Variants in DNAH11 observed in about 807,000 individuals in gnomAD.
DNAH11 encodes dynein axonemal heavy chain 11, also known as axonemal beta dynein heavy chain 11.
Under a neutral mutation model 526.0 loss-of-function variants are expected in DNAH11, and 442 were observed. The observed-to-expected ratio is 0.84, with a 90% CI of 0.78 to 0.91. DNAH11 has a LOEUF of 0.91. Among genes scored for constraint, DNAH11 ranks in the 40% least tolerant of loss-of-function variants. The probability of loss-of-function intolerance (pLI) is 0.00; values close to 1 mark genes in which losing one functional copy is unlikely to be tolerated. For missense variants in DNAH11, 6,989 were observed against 5,448.7 expected, an observed-to-expected ratio of 1.28 and a Z score of -8.90; for synonymous variants, 2,461 against 1,935.9, an observed-to-expected ratio of 1.27 and a Z score of -7.12.
intron 28 of DNAH11, among the ~76,000 whole-genome samples, chr7:21,645,953 T>C (rs1787338787): frequency 6.6e-6 from 1 of 152,174 alleles, no homozygotes; most frequent in African/African-American, 2.4e-5. Context: ...AATTTGACTA[T>C]GTTAAAATTT....
intron 65 of DNAH11, among the ~76,000 whole-genome samples, chr7:21,823,132 T>A (rs948244379): frequency 2.1e-4 from 32 of 152,134 alleles, no homozygotes; most frequent in Non-Finnish European, 4.3e-4. Context: ...CTTGATGTAA[T>A]CCCATTTGTA....
intron 61 of DNAH11, among the ~76,000 whole-genome samples, chr7:21,793,333 T>C (rs969169141): frequency 2.0e-5 from 3 of 152,310 alleles, no homozygotes; most frequent in East Asian, 1.9e-4. Context: ...AAAGAATTTG[T>C]CAGGCTGGGC....
rs749424527 is a variant in DNAH11, at chr7:21,635,924, A to C, written c.4554A>C (p.Gln1518His). Residue 1518 changes from glutamine (Q) to histidine (H), a missense_variant, in exon 26 of 82, where the codon CAA becomes CAC. Physicochemically the swap from Gln to His is conservative, Grantham distance 24 (BLOSUM62 0). Transcript: ENST00000409508. ...QSKYVEYFIE[Q>H]VLSWQNKLNI... ...AGTATGTAGAATATTTCATTGAGCA[A>C]GTGTTAAGCTGGCAAAATAAATTAA... 6.2e-7 allele frequency: 1 copy of C among 1,613,366 alleles called. No individual in the cohort carries two copies. The highest frequency in any genetic ancestry group is 1.3e-5 in the African/African-American group (1 of 75,056).
At chr7:21,808,779 A>G (rs751895285) in intron 63 of DNAH11, among the ~76,000 whole-genome samples, 11 of 152,120 alleles carry the variant, frequency 7.2e-5, no homozygotes, top group Non-Finnish European at 1.5e-4. Flanking sequence ...TTATCTGCCC[A>G]TCTGTTGTTG....
intron 28 of DNAH11, among the ~76,000 whole-genome samples, chr7:21,651,149 T>G (rs1370657289): frequency 1.3e-5 from 2 of 152,084 alleles, no homozygotes; most frequent in East Asian, 3.8e-4. Context: ...ATGAATAAAT[T>G]AGTTAATGAA....
Position 21,599,917 on chromosome 7 carries a change from A to T in DNAH11, c.2798A>T (p.Asn933Ile), listed in dbSNP as rs749572732. 1.2e-6 allele frequency: 2 copies of T among 1,613,656 alleles called. No individual in the cohort carries two copies. The highest frequency in any genetic ancestry group is 4.5e-5 in the East Asian group (2 of 44,858). The stretch of plus-strand genomic sequence containing the variant: ...CACGACTTAGACTTCTTTCTGAAGA[A>T]TACAGAGAAACAATTGAAACCGGCA... Reference protein sequence around the residue: ...IMHDLDFFLKNTEKQLKPAPF... With the variant: ...IMHDLDFFLKITEKQLKPAPF... Residue 933 changes from asparagine to isoleucine, a missense_variant, in exon 15 of 82, where the codon AAT (asparagine) becomes ATT (isoleucine). Physicochemically the swap from Asn to Ile is moderately radical, Grantham distance 149 (BLOSUM62 -3). Coordinates refer to ENST00000409508, the MANE Select transcript of DNAH11 (RefSeq NM_001277115.2).
rs2119174 is a variant in DNAH11 at position 21,690,798 on chromosome 7, G to C, written c.5958G>C (p.Lys1986Asn). 13 of 1,610,648 alleles carry C rather than the reference G, an allele frequency of 8.1e-6. No individual in the cohort carries two copies. The highest frequency in any genetic ancestry group is 1.1e-5 in the Non-Finnish European group (13 of 1,178,878). ...FVFLGEAITLKPSVGIFITMN... is the reference protein window; with the variant it reads ...FVFLGEAITLNPSVGIFITMN... ...TTCTTGGGGAAGCTATCACACTGAA[G>C]CCATCAGTTGGAATATTTATTACTA... The change falls in exon 35 of 82, where the codon AAG (lysine) becomes AAC (asparagine). Residue 1986 changes from lysine (K) to asparagine (N), a missense_variant. Coordinates refer to ENST00000409508, the MANE Select transcript of DNAH11 (RefSeq NM_001277115.2).
chr7:21,581,761 C>G, intron 8 of DNAH11, 144 bp from the exon 9 acceptor site: 2 of 604,556 alleles, frequency 3.3e-6, no homozygotes, highest in African/African-American at 1.9e-5. Flanking sequence ...CTTGAACTTC[C>G]GTAGAATGCT....
chr7:21,775,997 C>G (rs182557040), intron 56 of DNAH11, among the ~76,000 whole-genome samples: 20 of 152,284 alleles, frequency 1.3e-4, no homozygotes, highest in African/African-American at 3.9e-4. Context: ...AAGTGGGGTA[C>G]CATCCTGGAC....
chr7:21,593,302 G>T (rs1784757471), intron 14 of DNAH11, among the ~76,000 whole-genome samples: 1 of 152,204 alleles, frequency 6.6e-6, no homozygotes, highest in Admixed American at 6.5e-5. Context: ...AAGTCATTGG[G>T]ATGAGGAGAG....
At position 21,892,641 on chromosome 7, in the gene DNAH11, G is replaced by T. The variant is rs1408664815; in HGVS notation, c.12724G>T (p.Glu4242Ter). The T allele has an allele frequency of 2.5e-6, 4 of 1,610,202 alleles. No individual in the cohort carries two copies. Among genetic ancestry groups the T allele is most frequent in the Non-Finnish European group, 3.4e-6 (4 of 1,177,752 alleles). The stretch of plus-strand genomic sequence containing the variant: ...GCCCAGGAATGCACTCAGTGGTGAT[G>T]AACTGGGGCAGTCTACAGAAGAAAA... ...MQPRNALSGD[E>*]LGQSTEEKVK... The change falls in exon 77 of 82, where the codon GAA (glutamate) becomes TAA (stop). Residue 4242 changes from glutamate (E) to a stop codon, truncating the protein, a stop_gained. Coordinates refer to ENST00000409508, the MANE Select transcript of DNAH11 (RefSeq NM_001277115.2). LOFTEE classifies it high-confidence loss of function.
intron 68 of DNAH11, 58 bp from the exon 69 acceptor site, chr7:21,861,795 G>C (rs1562590091): frequency 6.3e-7 from 1 of 1,595,362 alleles, no homozygotes; most frequent in Non-Finnish European, 8.6e-7. Context: ...TGTATCGGGG[G>C]TAGCTAGACA....
chr7:21,642,635 T>C (rs1787180106), intron 28 of DNAH11, among the ~76,000 whole-genome samples: 1 of 152,148 alleles, frequency 6.6e-6, no homozygotes, highest in African/African-American at 2.4e-5. Context: ...AATTTCCCCA[T>C]AAAAGGCGCC....
chr7:21,548,688 G>A (rs1782901256), intron 2 of DNAH11, among the ~76,000 whole-genome samples: 1 of 152,146 alleles, frequency 6.6e-6, no homozygotes. Flanking sequence ...GGGGCACATG[G>A]AAAGCTGGGT....
intron 30 of DNAH11, among the ~76,000 whole-genome samples, chr7:21,679,055 T>C (rs1378230074): frequency 2.0e-5 from 3 of 152,170 alleles, no homozygotes; most frequent in Non-Finnish European, 4.4e-5. Context: ...GGAATATGAT[T>C]TAGCCTTTAC....
chr7:21,790,445 G>A (rs777087890), intron 61 of DNAH11, among the ~76,000 whole-genome samples: 8 of 152,060 alleles, frequency 5.3e-5, no homozygotes, highest in South Asian at 2.1e-4. Flanking sequence ...GCAAGACTCC[G>A]TCTCAAACAA....
intron 14 of DNAH11, among the ~76,000 whole-genome samples, chr7:21,595,136 C>T (rs1407518324): frequency 6.6e-6 from 1 of 152,188 alleles, no homozygotes; most frequent in African/African-American, 2.4e-5. Flanking sequence ...GGACCAGGTG[C>T]CAGCATGATC....
rs142372794 is a variant in DNAH11, at chr7:21,873,481, G to T, written c.12175G>T (p.Ala4059Ser). The T allele has an allele frequency of 1.9e-6, 3 of 1,613,800 alleles. No homozygotes were observed. The highest frequency in any genetic ancestry group is 2.2e-5 in the South Asian group (2 of 91,078). ...PTGMLANLHA[A>S]LYNFDQDTLE... is the part of the protein sequence containing the mutation. ...AGGGATGCTGGCCAATTTGCATGCC[G>T]CCCTGTACAACTTTGATCAGGTAAG... is the stretch of plus-strand genomic sequence containing the variant. The change falls in exon 74 of 82, where the codon GCC (alanine) becomes TCC (serine). Residue 4059 changes from alanine (A) to serine (S), a missense_variant. Ala to Ser is a moderately conservative substitution (Grantham distance 99). Coordinates refer to ENST00000409508, the MANE Select transcript of DNAH11 (RefSeq NM_001277115.2).
intron 45 of DNAH11, among the ~76,000 whole-genome samples, chr7:21,734,098 A>G (rs1446700914): frequency 1.3e-5 from 2 of 152,216 alleles, no homozygotes; most frequent in Non-Finnish European, 2.9e-5. Context: ...CTATGTGTAG[A>G]TAAAAGAGAG....
Sources: gnomAD v4.1 joint callset for allele counts (sites outside exome capture counted in the v4.1 genomes callset) on GRCh38, gnomAD v4.1.1 for gene constraint, MANE v1.5 for transcripts, NCBI Gene and HGNC (gene_info 2026-07-23, HGNC 2026-07-21) for gene names.